Variants in HKDC1 observed in about 807,000 individuals in gnomAD.
HKDC1 encodes the protein hexokinase domain containing 1, also known as hexokinase HKDC1.
A neutral mutation model predicts 96.6 loss-of-function variants in HKDC1; 66 were observed. The observed-to-expected ratio is 0.68, with a 90% CI of 0.56 to 0.84. HKDC1 has a LOEUF of 0.84. HKDC1 is among the 40% of genes least tolerant of loss of function. The pLI is 0.00. For synonymous variants in HKDC1, 466 were observed against 473.1 expected (o/e 0.98, Z 0.20); for missense variants, 1,211 against 1,208.1 (o/e 1.00, Z -0.04).
In HKDC1 at chr10:69,261,364, ATT is replaced by A. The variant is rs1352727588; in HGVS notation, c.2372+72_2372+73del. The A allele has an allele frequency of 4.7e-6, 7 of 1,488,604 alleles. No individual in the cohort carries two copies. In the African/African-American group the frequency reaches 9.7e-5, roughly 21 times the overall value. The allele number at this position is 1,488,604 out of a possible 1,614,324, so 92.2% of individuals were successfully genotyped here. On this transcript the variant is annotated intron_variant, in intron 16 of 17. Coordinates refer to ENST00000354624, the MANE Select transcript of HKDC1 (RefSeq NM_025130.4). ...CTGCCACCACGCTGGGGTTGGGCCA[ATT>A]TGAGGTTTAAAAATAAAAACAGAAA... is the stretch of plus-strand genomic sequence containing the variant.
chr10:69,224,713 G>T (rs1022787676), intron 1 of HKDC1, among the ~76,000 whole-genome samples: 2 of 152,188 alleles, frequency 1.3e-5, no homozygotes, highest in Non-Finnish European at 2.9e-5. Flanking sequence ...TGGACTAGAC[G>T]AGCTCTAAGG....
intron 4 of HKDC1, 77 bp downstream of exon 4, chr10:69,233,210 G>A (rs1843301153): frequency 9.6e-6 from 15 of 1,567,254 alleles, no homozygotes; most frequent in Admixed American, 1.8e-5. Context: ...CAGGCTGCAC[G>A]CAGGAGAGAA....
At chr10:69,250,192 A>G in intron 10 of HKDC1, 98 bp from the exon 11 acceptor site, 1 of 1,336,654 alleles carries the variant, frequency 7.5e-7, no homozygotes, top group Non-Finnish European at 1.0e-6. Flanking sequence ...CCAGGAGTGC[A>G]GGCCCTGGGT....
At chr10:69,240,589 G>T in intron 5 of HKDC1, 63 bp from the exon 6 acceptor site, 1 of 1,360,870 alleles carries the variant, frequency 7.3e-7, no homozygotes, top group Non-Finnish European at 1.0e-6. Flanking sequence ...GCCTCTGTGG[G>T]GAAGGAGGGA....
At chr10:69,266,375 G>A (rs1033533960) in intron 17 of HKDC1, among the ~76,000 whole-genome samples, 2 of 151,998 alleles carry the variant, frequency 1.3e-5, no homozygotes, top group Non-Finnish European at 2.9e-5. Flanking sequence ...GCTGAGCTGG[G>A]GGGCTTGAGC....
Position 69,265,805 on chromosome 10 carries a change from A to G in HKDC1, c.2593A>G (p.Lys865Glu), listed in dbSNP as rs1371156697. ...ITVGVDGTLY[K>E]LHPHFSRILQ... The stretch of plus-strand genomic sequence containing the variant: ...TGTGGGTGTGGACGGCACCCTGTAC[A>G]AGCTGCACCCTCAGTGAGTGCCCAC... Residue 865 changes from lysine to glutamate, a missense_variant, in exon 17 of 18, where the codon AAG (lysine) becomes GAG (glutamate). By Grantham distance (56) the Lys-to-Glu change is moderately conservative (BLOSUM62 1). Transcript: ENST00000354624. The G allele has an allele frequency of 2.5e-6, 4 of 1,611,700 alleles. No individual in the cohort carries two copies. The highest frequency in any genetic ancestry group is 1.3e-5 in the African/African-American group (1 of 74,822).
chr10:69,238,030 T>C (rs531044125), intron 4 of HKDC1, among the ~76,000 whole-genome samples: 73 of 152,368 alleles, frequency 4.8e-4, no homozygotes, highest in African/African-American at 1.2e-3. Flanking sequence ...ATTCTATGAT[T>C]ATTTGCGATT....
At chr10:69,236,622 A>G (rs1843365084) in intron 4 of HKDC1, among the ~76,000 whole-genome samples, 1 of 151,776 alleles carries the variant, frequency 6.6e-6, no homozygotes, top group South Asian at 2.1e-4. Flanking sequence ...CTCTACTAAA[A>G]GCACAAAATT....
chr10:69,220,916 G>A (rs548467648), intron 1 of HKDC1, among the ~76,000 whole-genome samples: 16 of 152,320 alleles, frequency 1.1e-4, no homozygotes, highest in Non-Finnish European at 2.9e-5. Flanking sequence ...TTAGGAGGCC[G>A]AGGTGGGCGG....
intron 7 of HKDC1, among the ~76,000 whole-genome samples, chr10:69,244,239 T>G (rs1306703379): frequency 2.0e-5 from 3 of 152,282 alleles, no homozygotes; most frequent in Non-Finnish European, 2.9e-5. Flanking sequence ...TTTAAGTACT[T>G]CCTTATTTCC....
intron 17 of HKDC1, among the ~76,000 whole-genome samples, 164 bp downstream of exon 17, chr10:69,265,982 G>A (rs1843892355): frequency 6.6e-6 from 1 of 152,192 alleles, no homozygotes. Context: ...TGACAGACAA[G>A]GTGTGAGCCC....
rs1301975394 is a variant in HKDC1, at chr10:69,240,572, AC to A, written c.592-78del. ...GGATGTCTCAGCAGCCACCTTCACTACCTGCTGCCTCTGTGGGGAAGGAGGG... is the reference window on the plus strand; with the variant it reads ...GGATGTCTCAGCAGCCACCTTCACTACTGCTGCCTCTGTGGGGAAGGAGGG... On this transcript the variant is annotated intron_variant, in intron 5 of 17. Transcript: ENST00000354624. The A allele has an allele frequency of 2.5e-6, 3 of 1,178,600 alleles. No homozygotes were observed. In the African/African-American group the frequency reaches 4.5e-5, roughly 18 times the overall value. The allele number at this position is 1,178,600 out of a possible 1,614,324, so 73.0% of individuals were successfully genotyped here. A position where few individuals can be genotyped will look rare whatever the true frequency, so the allele number is the denominator to read the frequency against.
In HKDC1 at chr10:69,233,077, A is replaced by C; in HGVS notation, c.439A>C (p.Lys147Gln). Residue 147 changes from lysine to glutamine, a missense_variant, in exon 4 of 18, where the codon AAA becomes CAA. Physicochemically the swap from Lys to Gln is moderately conservative, Grantham distance 53. Coordinates refer to ENST00000354624, the MANE Select transcript of HKDC1 (RefSeq NM_025130.4). ...GAAGACCAAAGATTTAAAGCATAAG[A>C]AATTGCCCCTTGGCCTAACTTTTTC... ...FMKTKDLKHKKLPLGLTFSFP... is the reference protein window; with the variant it reads ...FMKTKDLKHKQLPLGLTFSFP... 6.2e-7 allele frequency: 1 copy of C among 1,614,216 alleles called. No homozygotes were observed.
chr10:69,240,843 G>A lies in HKDC1; in HGVS notation c.691+92G>A, dbSNP rs1348354902. The A allele has an allele frequency of 3.6e-5, 31 of 866,152 alleles. No individual in the cohort carries two copies. In the East Asian group the frequency reaches 7.3e-4, roughly 20 times the overall value. The allele number at this position is 866,152 out of a possible 1,614,324, so 53.7% of individuals were successfully genotyped here. ...GAGCTCTGAGTGAATTCGGCGGGAA[G>A]GGCACTGCACTATTTAGGAGAAGCA... On this transcript the variant is annotated intron_variant, in intron 6 of 17. Coordinates refer to ENST00000354624, the MANE Select transcript of HKDC1 (RefSeq NM_025130.4).
rs764512946 is a variant in HKDC1, at chr10:69,250,365, G to T, written c.1646G>T (p.Arg549Leu). Residue 549 changes from arginine (R) to leucine (L), a missense_variant, in exon 11 of 18, where the codon CGG becomes CTG. Transcript: ENST00000354624. ...RVLLVKIRSG[R>L]RSVRMYNKIF... is the part of the protein sequence containing the mutation. ...CTCCTGGTGAAGATCAGAAGTGGAC[G>T]GAGGTCAGTGCGAATGTACAACAAG... The T allele has an allele frequency of 3.1e-6, 5 of 1,614,018 alleles. No individual in the cohort carries two copies. The African/African-American group carries it at 5.3e-5, about 17-fold the overall frequency.
chr10:69,266,816 A>C lies in HKDC1; in HGVS notation c.*59A>C. 6.4e-7 allele frequency: 1 copy of C among 1,561,496 alleles called. No homozygotes were observed. The highest frequency in any genetic ancestry group is 8.7e-7 in the Non-Finnish European group (1 of 1,151,442). ...TACTGAACAGCTTTTCCTCTGGCAGATCAGTTGGTCAGAGACCAATGGGCA... is the reference window on the plus strand; with the variant it reads ...TACTGAACAGCTTTTCCTCTGGCAGCTCAGTTGGTCAGAGACCAATGGGCA... On this transcript the variant is annotated 3_prime_UTR_variant, in exon 18 of 18. Coordinates refer to ENST00000354624, the MANE Select transcript of HKDC1 (RefSeq NM_025130.4).
At chr10:69,248,090 A>G (rs1213432344) in intron 9 of HKDC1, among the ~76,000 whole-genome samples, 1 of 152,218 alleles carries the variant, frequency 6.6e-6, no homozygotes, top group Non-Finnish European at 1.5e-5. Flanking sequence ...ACCGGGGTGG[A>G]CTTGGAAGTC....
chr10:69,224,565 G>C (rs1049929265), intron 1 of HKDC1, among the ~76,000 whole-genome samples: 114 of 152,350 alleles, frequency 7.5e-4, no homozygotes, highest in African/African-American at 2.6e-3. Flanking sequence ...TTACAGGCGT[G>C]AGCCACTGCG....
intron 12 of HKDC1, among the ~76,000 whole-genome samples, chr10:69,251,252 G>T (rs978871877): frequency 6.6e-6 from 1 of 151,466 alleles, no homozygotes; most frequent in East Asian, 1.9e-4. Flanking sequence ...CTACCTCCAC[G>T]CCTGGCTAAT....
Sources: allele counts gnomAD v4.1 joint callset (sites outside exome capture counted in the v4.1 genomes callset), GRCh38; gene constraint gnomAD v4.1.1; transcripts MANE v1.5; gene names NCBI Gene and HGNC (gene_info 2026-07-23, HGNC 2026-07-21).